Variants in KIAA1217 observed in about 807,000 individuals in gnomAD.
The protein encoded by KIAA1217 is sickle tail protein homolog.
In KIAA1217, 88 loss-of-function variants were observed where a neutral mutation model predicts 163.9. That is an observed-to-expected ratio of 0.54 (90% CI 0.45 to 0.64). KIAA1217 has a LOEUF of 0.64. KIAA1217 is among the 30% of genes least tolerant of loss of function. The pLI is 0.00. For synonymous variants in KIAA1217, 903 were observed against 923.1 expected, an observed-to-expected ratio of 0.98 and a Z score of 0.39; for missense variants, 2,372 against 2,475.0, an observed-to-expected ratio of 0.96 and a Z score of 0.88.
intron 2 of KIAA1217, among the ~76,000 whole-genome samples, chr10:24,236,270 C>T (rs918272965): frequency 3.3e-5 from 5 of 151,212 alleles, no homozygotes; most frequent in African/African-American, 4.9e-5. Context: ...TTCTTTTTTT[C>T]GACGGCGTTT....
Position 24,501,433 on chromosome 10 carries a change from C to G in KIAA1217, c.1889C>G (p.Pro630Arg). The change falls in exon 9 of 21, where the codon CCT (proline) becomes CGT (arginine). Residue 630 changes from proline (P) to arginine (R), a missense_variant. By Grantham distance (103) the Pro-to-Arg change is moderately radical. Around this residue, in one of 3 missense-constraint regions of KIAA1217, gnomAD observed 1,431 missense variants for 1,470.3 expected, o/e 0.97. Coordinates refer to ENST00000376454, the MANE Select transcript of KIAA1217 (RefSeq NM_019590.5). ...CTCAGTGCTCTGGAGTCCACGGTGC[C>G]TCCCAGCCAGCCTCCACCTGTGGGC... ...KMLSALESTV[P>R]PSQPPPVGTS... 6.2e-7 allele frequency: 1 copy of G among 1,614,062 alleles called. No homozygotes were observed. Among genetic ancestry groups the G allele is most frequent in the Non-Finnish European group, 8.5e-7 (1 of 1,179,964 alleles).
intron 2 of KIAA1217, among the ~76,000 whole-genome samples, chr10:24,051,534 A>G (rs1039621227): frequency 3.3e-5 from 5 of 152,058 alleles, no homozygotes; most frequent in Admixed American, 2.6e-4. Flanking sequence ...AGGAATCTCT[A>G]TGTTTTCCAT....
chr10:24,154,168 G>A (rs1176689374), intron 2 of KIAA1217, among the ~76,000 whole-genome samples: 3 of 151,460 alleles, frequency 2.0e-5, no homozygotes, highest in Admixed American at 6.6e-5. Flanking sequence ...CGTTTTAGCC[G>A]GGATGGTCTC....
chr10:24,388,528 G>A (rs1007916092), intron 3 of KIAA1217, among the ~76,000 whole-genome samples: 1 of 152,092 alleles, frequency 6.6e-6, no homozygotes, highest in Non-Finnish European at 1.5e-5. Flanking sequence ...AACACCAAAA[G>A]CAATGGCAAC....
chr10:23,813,466 A>G (rs1564443989), intron 1 of KIAA1217, among the ~76,000 whole-genome samples: 2 of 152,016 alleles, frequency 1.3e-5, no homozygotes, highest in Non-Finnish European at 2.9e-5. Flanking sequence ...ATCTTTAAAT[A>G]AGATCTTTAT....
At chr10:23,758,209 A>C (rs545610173) in intron 1 of KIAA1217, among the ~76,000 whole-genome samples, 2 of 152,168 alleles carry the variant, frequency 1.3e-5, no homozygotes, top group African/African-American at 4.8e-5. Context: ...TAGGTCTTTG[A>C]TTCATTTTAA....
chr10:24,056,693 T>G (rs2060544015), intron 2 of KIAA1217, among the ~76,000 whole-genome samples: 1 of 152,036 alleles, frequency 6.6e-6, no homozygotes, highest in Non-Finnish European at 1.5e-5. Flanking sequence ...CAATAAAAAT[T>G]TCACTGAATA....
chr10:24,367,253 C>T (rs187531049), intron 2 of KIAA1217: 2 of 680,948 alleles, frequency 2.9e-6, no homozygotes, highest in South Asian at 1.3e-4. Context: ...CATCCTGCAC[C>T]TTTCCCTCAC....
chr10:24,074,432 C>T (rs936106394), intron 2 of KIAA1217, among the ~76,000 whole-genome samples: 1 of 152,064 alleles, frequency 6.6e-6, no homozygotes, highest in Non-Finnish European at 1.5e-5. Flanking sequence ...CAGACATTTT[C>T]ATTTTCTGTC....
At chr10:23,987,301 C>T (rs1338498437) in intron 1 of KIAA1217, among the ~76,000 whole-genome samples, 5 of 142,766 alleles carry the variant, frequency 3.5e-5, no homozygotes, top group Admixed American at 1.5e-4. Context: ...GGCGTGAACC[C>T]GGGAGGCGGA....
chr10:24,541,962 G>A (rs2075163827), intron 17 of KIAA1217, among the ~76,000 whole-genome samples: 1 of 152,196 alleles, frequency 6.6e-6, no homozygotes, highest in African/African-American at 2.4e-5. Context: ...AGGTTATATT[G>A]TAACAGCATG....
At chr10:23,854,567 C>G (rs892809501) in intron 1 of KIAA1217, among the ~76,000 whole-genome samples, 1 of 152,070 alleles carries the variant, frequency 6.6e-6, no homozygotes, top group Non-Finnish European at 1.5e-5. Context: ...CCTGGGTATC[C>G]TTGTTAACTT....
chr10:23,949,504 C>A (rs1277510007), intron 1 of KIAA1217, among the ~76,000 whole-genome samples: 2 of 152,018 alleles, frequency 1.3e-5, no homozygotes, highest in African/African-American at 4.8e-5. Context: ...AATAACATTA[C>A]AAATGCATTA....
chr10:24,238,107 A>G (rs1375557818), intron 2 of KIAA1217, among the ~76,000 whole-genome samples: 1 of 152,194 alleles, frequency 6.6e-6, no homozygotes, highest in African/African-American at 2.4e-5. Flanking sequence ...GCAGTTTGCA[A>G]TGGGATCCGT....
chr10:24,372,851 A>C (rs1449593606), intron 2 of KIAA1217, among the ~76,000 whole-genome samples: 13 of 152,202 alleles, frequency 8.5e-5, no homozygotes. Context: ...AGATTTACTT[A>C]TTCTATTAAA....
intron 2 of KIAA1217, among the ~76,000 whole-genome samples, chr10:24,045,331 T>C (rs991113123): frequency 1.4e-4 from 22 of 152,068 alleles, no homozygotes; most frequent in Non-Finnish European, 4.4e-5. Flanking sequence ...AAAGTATAGG[T>C]GTTTTATTCA....
intron 2 of KIAA1217, among the ~76,000 whole-genome samples, chr10:24,223,725 T>C (rs1164823638): frequency 1.3e-5 from 2 of 151,112 alleles, no homozygotes; most frequent in Non-Finnish European, 2.9e-5. Flanking sequence ...TTTTTTTTTT[T>C]TTTTGGAAGA....
chr10:24,360,389 T>G (rs1368611412), intron 2 of KIAA1217, among the ~76,000 whole-genome samples: 1 of 152,178 alleles, frequency 6.6e-6, no homozygotes, highest in Non-Finnish European at 1.5e-5. Context: ...TGTTATATTC[T>G]TTAGTTTTGT....
At chr10:24,349,898 A>G (rs1278892264) in intron 2 of KIAA1217, among the ~76,000 whole-genome samples, 1 of 152,188 alleles carries the variant, frequency 6.6e-6, no homozygotes, top group East Asian at 1.9e-4. Flanking sequence ...GTGTACTCAG[A>G]ATGCCTTTAA....
Sources: gnomAD v4.1 joint callset for allele counts (sites outside exome capture counted in the v4.1 genomes callset) on GRCh38, gnomAD v4.1.1 for gene constraint, gnomAD v4.1.1 regional missense constraint, MANE v1.5 for transcripts, NCBI Gene and HGNC (gene_info 2026-07-23, HGNC 2026-07-21) for gene names.